Variants in TUSC3 observed in about 807,000 individuals in gnomAD.
TUSC3 encodes dolichyl-diphosphooligosaccharide--protein glycosyltransferase subunit TUSC3.
TUSC3 carries 45 observed loss-of-function variants against 44.8 expected under a neutral mutation model. The ratio of observed to expected loss-of-function variants is 1.00; its 90% CI spans 0.79 to 1.29. The LOEUF is 1.29. Among genes scored for constraint, TUSC3 ranks in the 50% most tolerant of loss-of-function variants. The pLI is 0.00. For synonymous variants in TUSC3, 212 were observed against 152.9 expected (o/e 1.39, Z -2.85); for missense variants, 519 against 437.9 (o/e 1.19, Z -1.65).
intron 6 of TUSC3, among the ~76,000 whole-genome samples, chr8:15,714,914 A>G (rs1313744490): frequency 6.6e-6 from 1 of 152,120 alleles, no homozygotes. Context: ...CTTCCTCTTT[A>G]TAACTCTTTA....
chr8:15,548,806 T>C (rs2129135664), intron 1 of TUSC3, among the ~76,000 whole-genome samples: 1 of 152,004 alleles, frequency 6.6e-6, no homozygotes, highest in African/African-American at 2.4e-5. Context: ...CCCTATGTTT[T>C]AATAACTAGC....
chr8:15,586,877 AATTAAAAT>A (rs1487743304), intron 1 of TUSC3, among the ~76,000 whole-genome samples: 1 of 152,136 alleles, frequency 6.6e-6, no homozygotes. Flanking sequence ...AACTTCCTGG[AATTAAAAT>A]TCTTGGGCCC....
chr8:15,444,303 G>T (rs1800062631), intron 1 of TUSC3, among the ~76,000 whole-genome samples: 1 of 152,184 alleles, frequency 6.6e-6, no homozygotes, highest in African/African-American at 2.4e-5. Context: ...AGACGGTCAT[G>T]ATAGGTGTAG....
chr8:15,792,667 GTGCAGTGGTGCGATCTCAACCCAC>G, the TUSC3 span, among the ~76,000 whole-genome samples: 6 of 152,136 alleles, frequency 3.9e-5, no homozygotes, highest in African/African-American at 1.4e-4. Context: ...CCAGGCTGGA[GTGCAGTGGTGCGATCTCAACCCAC>G]TGCAACCTCT....
At chr8:15,792,196 TCAAATATATACCAAG>T in the TUSC3 span, among the ~76,000 whole-genome samples, 1 of 152,016 alleles carries the variant, frequency 6.6e-6, no homozygotes, top group African/African-American at 2.4e-5. Flanking sequence ...TTATTGAACA[TCAAATATATACCAAG>T]CAATGTTTTA....
the TUSC3 span, among the ~76,000 whole-genome samples, chr8:15,815,348 A>G: frequency 6.6e-6 from 1 of 152,172 alleles, no homozygotes; most frequent in African/African-American, 2.4e-5. Context: ...GTAGGAAATC[A>G]GCATCCTGAG....
chr8:15,685,806 C>G (rs1357309665), intron 6 of TUSC3, among the ~76,000 whole-genome samples: 5 of 151,338 alleles, frequency 3.3e-5, no homozygotes, highest in South Asian at 4.2e-4. Context: ...TTGGGCCTGA[C>G]AAGCTTAGTA....
chr8:15,826,562 T>A, the TUSC3 span, among the ~76,000 whole-genome samples: 1 of 152,168 alleles, frequency 6.6e-6, no homozygotes, highest in Non-Finnish European at 1.5e-5. Context: ...CAGGCTTGGA[T>A]TTTTATCTGA....
At chr8:15,502,506 T>A (rs1262226784) in intron 2 of TUSC3, among the ~76,000 whole-genome samples, 1 of 152,172 alleles carries the variant, frequency 6.6e-6, no homozygotes. Context: ...TGTTTGTTTG[T>A]TTGAGACGGA....
rs574368994 is a variant in TUSC3, at chr8:15,554,381, T to C, written c.138+13813T>C. ...CATTGCATGCTTTGCTGTATTCTTT[T>C]TTCCTGTCTTGTGCTGACTGGGAAT... On this transcript the variant is annotated intron_variant, in intron 1 of 10. Coordinates refer to ENST00000503731, the MANE Select transcript of TUSC3 (RefSeq NM_006765.4). Among the ~76,000 whole-genome samples the C allele has an allele frequency of 1.1e-4, 17 of 151,756 alleles. No individual in the cohort carries two copies. In the South Asian group the frequency reaches 1.9e-3, roughly 17 times the overall value.
the TUSC3 span, among the ~76,000 whole-genome samples, chr8:15,826,399 T>G: frequency 6.6e-6 from 1 of 152,208 alleles, no homozygotes; most frequent in African/African-American, 2.4e-5. Flanking sequence ...TAATTGCCTT[T>G]TCAGTATGTT....
At chr8:15,420,085 A>G (rs112586829) in intron 1 of TUSC3, among the ~76,000 whole-genome samples, 5,933 of 152,274 alleles carry the variant, frequency 0.039, 401 homozygotes, top group African/African-American at 0.14. Flanking sequence ...CAAAAACACT[A>G]TAACAAAGCT....
chr8:15,629,259 TTTATA>T (rs1805647835), intron 2 of TUSC3, among the ~76,000 whole-genome samples: 1 of 151,920 alleles, frequency 6.6e-6, no homozygotes, highest in African/African-American at 2.4e-5. Flanking sequence ...AGGATGAAAA[TTTATA>T]TTATAGGATG....
chr8:15,626,402 G>C (rs1445597444), intron 2 of TUSC3, among the ~76,000 whole-genome samples: 1 of 152,224 alleles, frequency 6.6e-6, no homozygotes, highest in Non-Finnish European at 1.5e-5. Context: ...GGGCAGTGCT[G>C]TGCTCCATAG....
At position 15,421,893 on chromosome 8, in the gene TUSC3, A is replaced by G. The variant is rs143496786; in HGVS notation, n.91+4588A>G. 2.5e-3 allele frequency among the ~76,000 whole-genome samples: 375 copies of G among 152,308 alleles called. 1 individual carries two copies. Among genetic ancestry groups the G allele is most frequent in the Admixed American group, 4.5e-3 (69 of 15,292 alleles). On this transcript the variant is annotated intron_variant and non_coding_transcript_variant, in intron 1 of 5. Transcript: ENST00000503191. ...TTTCTTAAAATGGAATGTAATAATT[A>G]TTTGTTGAATGCATCTTGAATTCAA...
At chr8:15,665,084 A>G (rs2129180950) in intron 5 of TUSC3, among the ~76,000 whole-genome samples, 1 of 151,702 alleles carries the variant, frequency 6.6e-6, no homozygotes, top group African/African-American at 2.4e-5. Context: ...AAAATAACTA[A>G]TATCTCATTT....
chr8:15,713,253 CA>C, intron 6 of TUSC3, among the ~76,000 whole-genome samples: 1 of 152,216 alleles, frequency 6.6e-6, no homozygotes. Context: ...GGTTTCTTCT[CA>C]TTTATTTTCT....
chr8:15,685,221 A>T (rs538683532), intron 6 of TUSC3, among the ~76,000 whole-genome samples: 1 of 152,044 alleles, frequency 6.6e-6, no homozygotes, highest in African/African-American at 2.4e-5. Context: ...TGTAGCTGGG[A>T]TCCCAGAGGT....
At chr8:15,609,091 T>G (rs1804653127) in intron 1 of TUSC3, among the ~76,000 whole-genome samples, 1 of 152,214 alleles carries the variant, frequency 6.6e-6, no homozygotes, top group Non-Finnish European at 1.5e-5. Context: ...TTTGACGATG[T>G]AAGCGTTACA....
Sources: gnomAD v4.1 joint callset for allele counts (sites outside exome capture counted in the v4.1 genomes callset) on GRCh38, gnomAD v4.1.1 for gene constraint, MANE v1.5 for transcripts, NCBI Gene and HGNC (gene_info 2026-07-23, HGNC 2026-07-21) for gene names.